Variants in TUNAR observed in about 807,000 individuals in gnomAD.
The protein encoded by TUNAR is protein TUNAR.
At chr14:95,886,525 C>T (rs990279187) in intron 2 of TUNAR, among the ~76,000 whole-genome samples, 2 of 152,208 alleles carry the variant, frequency 1.3e-5, no homozygotes, top group African/African-American at 4.8e-5. Flanking sequence ...TGGCAGAGAG[C>T]CCTCTTCACG....
intron 2 of TUNAR, among the ~76,000 whole-genome samples, chr14:95,917,295 A>G (rs1335630660): frequency 6.6e-6 from 1 of 152,212 alleles, no homozygotes; most frequent in Non-Finnish European, 1.5e-5. Context: ...AACACTGCTC[A>G]TCAAAGACCC....
intron 2 of TUNAR, among the ~76,000 whole-genome samples, chr14:95,901,766 A>T (rs998899584): frequency 2.2e-4 from 34 of 152,244 alleles, no homozygotes; most frequent in Non-Finnish European, 2.4e-4. Context: ...AAAAAATAAC[A>T]TACTTTGGAG....
At chr14:95,882,314 T>G (rs11160295) in intron 2 of TUNAR, among the ~76,000 whole-genome samples, 29,093 of 152,068 alleles carry the variant, frequency 0.19, 3,011 homozygotes, top group South Asian at 0.23. Flanking sequence ...CTTTGCAGAG[T>G]CACCAGAGAG....
chr14:95,894,498 G>T (rs1328185826), intron 2 of TUNAR, among the ~76,000 whole-genome samples: 4 of 152,198 alleles, frequency 2.6e-5, no homozygotes, highest in Admixed American at 2.6e-4. Flanking sequence ...TGAGGATCAG[G>T]ATTTGCGAAC....
At chr14:95,884,478 C>T (rs1355308190) in intron 2 of TUNAR, among the ~76,000 whole-genome samples, 3 of 152,154 alleles carry the variant, frequency 2.0e-5, no homozygotes, top group Admixed American at 6.5e-5. Flanking sequence ...TGCTGAAAAC[C>T]CCTGCAGACT....
intron 2 of TUNAR, among the ~76,000 whole-genome samples, chr14:95,921,169 C>CT (rs1237253297): frequency 5.9e-5 from 9 of 152,242 alleles, no homozygotes; most frequent in Non-Finnish European, 1.2e-4. Context: ...TTAGGACAGT[C>CT]TGATTTCTTC....
intron 1 of TUNAR, 76 bp from the exon 1 acceptor site, chr14:95,876,756 T>G (rs372373612): frequency 6.6e-6 from 1 of 152,158 alleles, no homozygotes; most frequent in African/African-American, 2.4e-5. Flanking sequence ...AGACGCGCCG[T>G]GGGTGGGGCA....
chr14:95,885,333 G>A (rs1595115284), intron 2 of TUNAR, among the ~76,000 whole-genome samples: 1 of 152,224 alleles, frequency 6.6e-6, no homozygotes, highest in African/African-American at 2.4e-5. Context: ...TGAAAGTAGA[G>A]ATGTTCCCTG....
intron 2 of TUNAR, among the ~76,000 whole-genome samples, chr14:95,878,917 A>G (rs558763994): frequency 1.3e-5 from 2 of 152,372 alleles, no homozygotes; most frequent in East Asian, 3.9e-4. Flanking sequence ...CTGCCCCTCC[A>G]AAAATAATCA....
At chr14:95,901,600 T>C (rs1020054910) in intron 2 of TUNAR, among the ~76,000 whole-genome samples, 2 of 152,210 alleles carry the variant, frequency 1.3e-5, no homozygotes, top group Non-Finnish European at 2.9e-5. Flanking sequence ...GTGGACAAAT[T>C]ACTTAACCCC....
chr14:95,919,869 A>G (rs1450898954), intron 2 of TUNAR, among the ~76,000 whole-genome samples: 2 of 152,208 alleles, frequency 1.3e-5, no homozygotes, highest in Non-Finnish European at 2.9e-5. Context: ...TGCTCACTGT[A>G]AAATTCCTTC....
At chr14:95,891,013 TG>T (rs1889171570) in intron 2 of TUNAR, among the ~76,000 whole-genome samples, 1 of 152,216 alleles carries the variant, frequency 6.6e-6, no homozygotes, top group Non-Finnish European at 1.5e-5. Context: ...GACCCGTGTC[TG>T]GAGCCTGCTG....
At chr14:95,892,096 C>G (rs1010971960) in intron 2 of TUNAR, among the ~76,000 whole-genome samples, 2 of 152,242 alleles carry the variant, frequency 1.3e-5, no homozygotes, top group Admixed American at 1.3e-4. Context: ...GTCACAGGTA[C>G]TAACAGTTAG....
At chr14:95,923,129 G>T in exon 3 of TUNAR, 1 of 394,712 alleles carries the variant, frequency 2.5e-6, no homozygotes, top group Non-Finnish European at 4.5e-6. Context: ...CAAATAGACC[G>T]ATCCTGCTGC....
chr14:95,883,588 T>C (rs1214385828), intron 2 of TUNAR, among the ~76,000 whole-genome samples: 1 of 152,226 alleles, frequency 6.6e-6, no homozygotes, highest in Non-Finnish European at 1.5e-5. Flanking sequence ...TCTGCCCTTT[T>C]TAAGGGGTCT....
chr14:95,900,728 G>A (rs2139662341), intron 2 of TUNAR, among the ~76,000 whole-genome samples: 1 of 152,302 alleles, frequency 6.6e-6, no homozygotes, highest in African/African-American at 2.4e-5. Flanking sequence ...ACATAGCCTT[G>A]GAGCGCATAC....
In TUNAR at chr14:95,895,547, G is replaced by A. The variant is rs1595118879; in HGVS notation, c.12+18370G>A. On this transcript the variant is annotated intron_variant, in intron 2 of 2. Transcript: ENST00000678517. The surrounding 1 kb of genome is among the most constrained non-coding windows in gnomAD (Gnocchi z 4.5). ...ATGTTAGCATCTGTTTTACAAGGGA[G>A]TTCCCGACGCATCCTCCAGGATCAT... Among the ~76,000 whole-genome samples, 1 of 152,112 alleles carries A rather than the reference G, an allele frequency of 6.6e-6. No individual in the cohort carries two copies. Among genetic ancestry groups the A allele is most frequent in the Admixed American group, 6.5e-5 (1 of 15,278 alleles).
At chr14:95,919,765 A>G (rs780079706) in intron 2 of TUNAR, among the ~76,000 whole-genome samples, 1 of 152,186 alleles carries the variant, frequency 6.6e-6, no homozygotes, top group African/African-American at 2.4e-5. Context: ...AATGCACCCA[A>G]AAAAGAAGAT....
intron 2 of TUNAR, among the ~76,000 whole-genome samples, chr14:95,912,572 C>T (rs1315267438): frequency 1.3e-5 from 2 of 152,088 alleles, no homozygotes; most frequent in Non-Finnish European, 2.9e-5. Context: ...CACTTTTTCC[C>T]CCTGAAATTT....
Sources: gnomAD v4.1 joint callset for allele counts (sites outside exome capture counted in the v4.1 genomes callset) on GRCh38, gnomAD v4.1.1 for gene constraint, Gnocchi (gnomAD v3.1) non-coding constraint, MANE v1.5 for transcripts, NCBI Gene and HGNC (gene_info 2026-07-23, HGNC 2026-07-21) for gene names.